Variants in USP47 observed in about 807,000 individuals in gnomAD.
The protein encoded by USP47 is ubiquitin carboxyl-terminal hydrolase 47.
In USP47, 35 loss-of-function variants were observed where a neutral mutation model predicts 165.1. That is an observed-to-expected ratio of 0.21 (90% CI 0.16 to 0.28). The LOEUF (loss-of-function observed/expected upper bound fraction) is 0.28, where lower values mean the gene tolerates loss of function less well. Ranked by LOEUF, USP47 falls within the 10% of genes least tolerant of loss-of-function variation. USP47 has a pLI of 1.00. For missense variants in USP47, 1,277 were observed against 1,607.4 expected (o/e 0.79, Z 3.52); for synonymous variants, 531 against 544.5 (o/e 0.98, Z 0.35).
At chr11:11,916,465 A>C (rs969998677) in intron 8 of USP47, among the ~76,000 whole-genome samples, 3 of 152,180 alleles carry the variant, frequency 2.0e-5, no homozygotes, top group Non-Finnish European at 4.4e-5. Context: ...AAATAGATTT[A>C]AAAAACAAAA....
In USP47 at chr11:11,960,366, G is replaced by A. The variant is rs915513642; in HGVS notation, c.*4191G>A. 3.9e-5 allele frequency among the ~76,000 whole-genome samples: 6 copies of A among 152,122 alleles called. No individual in the cohort carries two copies. Among genetic ancestry groups the A allele is most frequent in the African/African-American group, 1.4e-4 (6 of 41,416 alleles). ...AGACATGAAGGTAGATGCCCTGCAG[G>A]TCCTATCAGCAAAGGACCCAACTCC... On this transcript the variant is annotated 3_prime_UTR_variant, in exon 28 of 28. Coordinates refer to ENST00000527733, the MANE Select transcript of USP47 (RefSeq NM_001282659.2).
intron 1 of USP47, among the ~76,000 whole-genome samples, chr11:11,862,681 C>G (rs1283529078): frequency 6.7e-6 from 1 of 149,606 alleles, no homozygotes; most frequent in East Asian, 1.9e-4. Context: ...GAAGACTTTT[C>G]TCTTCTTTTA....
intron 1 of USP47, among the ~76,000 whole-genome samples, chr11:11,858,413 T>A (rs1849185902): frequency 6.6e-6 from 1 of 152,154 alleles, no homozygotes. Context: ...ATAGAAAAAT[T>A]CATCCTTTTA....
Position 11,949,840 on chromosome 11 carries a change from G to A in USP47, c.3349-49G>A, listed in dbSNP as rs779496923. 6.5e-6 allele frequency: 8 copies of A among 1,240,222 alleles called. No individual in the cohort carries two copies. The East Asian group carries it at 1.5e-4, about 23-fold the overall frequency. 76.8% of individuals were successfully genotyped at this position (1,240,222 alleles called of 1,614,324 possible). Reference sequence around the variant, plus strand: ...TTTATTTTAATGTGTTAATATTAATGTACTTAAGGTATAATTCAAGCTCTG... The same window carrying A: ...TTTATTTTAATGTGTTAATATTAATATACTTAAGGTATAATTCAAGCTCTG... On this transcript the variant is annotated intron_variant, in intron 22 of 27. Transcript: ENST00000527733.
chr11:11,895,221 A>T (rs1307775517), intron 4 of USP47, among the ~76,000 whole-genome samples: 2 of 152,212 alleles, frequency 1.3e-5, no homozygotes, highest in Admixed American at 6.5e-5. Context: ...AAATATTTTT[A>T]GAAGTCTTTG....
intron 1 of USP47, 78 bp downstream of exon 1, chr11:11,842,302 G>A: frequency 6.7e-7 from 1 of 1,489,248 alleles, no homozygotes; most frequent in Non-Finnish European, 9.0e-7. Context: ...GGGTTCGGCT[G>A]CGGGCCCGGC....
intron 1 of USP47, among the ~76,000 whole-genome samples, chr11:11,848,981 G>A (rs901768058): frequency 3.3e-5 from 5 of 151,556 alleles, no homozygotes; most frequent in Non-Finnish European, 7.4e-5. Flanking sequence ...GTAAAAATGA[G>A]GGTTTACCAC....
intron 16 of USP47, among the ~76,000 whole-genome samples, chr11:11,935,955 GT>G (rs1203204643): frequency 4.0e-5 from 6 of 151,820 alleles, no homozygotes; most frequent in Non-Finnish European, 8.8e-5. Flanking sequence ...CTGTTTGGTT[GT>G]TTTCCTCTGT....
chr11:11,875,894 C>G (rs975552817), intron 1 of USP47, among the ~76,000 whole-genome samples: 9 of 152,252 alleles, frequency 5.9e-5, no homozygotes, highest in Non-Finnish European at 1.3e-4. Context: ...TGAGCCACCT[C>G]ACCTGGCCAT....
Position 11,917,835 on chromosome 11 carries a change from C to T in USP47, c.970-2321C>T, listed in dbSNP as rs530059784. Among the ~76,000 whole-genome samples, 17 of 152,230 alleles carry T rather than the reference C, an allele frequency of 1.1e-4. No individual in the cohort carries two copies. In the East Asian group the frequency reaches 1.9e-3, roughly 17 times the overall value. On this transcript the variant is annotated intron_variant, in intron 8 of 27. Coordinates refer to ENST00000527733, the MANE Select transcript of USP47 (RefSeq NM_001282659.2). ...AGTGACTGAGATAGGACCAAGCATA[C>T]CAGTCATATCAAATATGAGTGGGCT...
intron 3 of USP47, among the ~76,000 whole-genome samples, chr11:11,889,369 G>A (rs555646455): frequency 6.6e-6 from 1 of 152,214 alleles, no homozygotes; most frequent in Non-Finnish European, 1.5e-5. Flanking sequence ...AAAGTCTCAG[G>A]ATACAAATTC....
intron 1 of USP47, among the ~76,000 whole-genome samples, chr11:11,851,923 A>AG (rs1848750904): frequency 1.3e-5 from 2 of 152,118 alleles, no homozygotes; most frequent in South Asian, 2.1e-4. Context: ...TTATGTTGGT[A>AG]GGGGGGCATG....
At chr11:11,873,787 T>C (rs767127999) in intron 1 of USP47, 1 of 1,410,984 alleles carries the variant, frequency 7.1e-7, no homozygotes, top group South Asian at 1.5e-5. Flanking sequence ...CATTTTGTTC[T>C]TATATACCAT....
At chr11:11,887,343 G>A (rs900962608) in intron 3 of USP47, among the ~76,000 whole-genome samples, 20 of 152,106 alleles carry the variant, frequency 1.3e-4, no homozygotes, top group Non-Finnish European at 1.0e-4. Context: ...CATCTCATGT[G>A]CAAAGACACA....
intron 3 of USP47, among the ~76,000 whole-genome samples, chr11:11,886,713 G>A (rs1268493157): frequency 6.6e-6 from 1 of 152,078 alleles, no homozygotes; most frequent in Non-Finnish European, 1.5e-5. Flanking sequence ...AGCAAGACAG[G>A]CCAACATTCA....
chr11:11,857,786 A>G (rs983393958), intron 1 of USP47, among the ~76,000 whole-genome samples: 3 of 152,238 alleles, frequency 2.0e-5, no homozygotes, highest in African/African-American at 7.2e-5. Context: ...GAAAGCAACC[A>G]ATCAGACGTT....
chr11:11,890,612 A>G (rs1851450501), intron 3 of USP47, among the ~76,000 whole-genome samples: 1 of 152,182 alleles, frequency 6.6e-6, no homozygotes, highest in African/African-American at 2.4e-5. Context: ...TCATTCCTCA[A>G]AGACTTAGAG....
At chr11:11,888,957 A>G (rs1331784043) in intron 3 of USP47, among the ~76,000 whole-genome samples, 1 of 152,198 alleles carries the variant, frequency 6.6e-6, no homozygotes, top group Non-Finnish European at 1.5e-5. Flanking sequence ...AAAACACATG[A>G]TTATCTCAAA....
intron 1 of USP47, among the ~76,000 whole-genome samples, chr11:11,871,135 G>C (rs1467674006): frequency 2.0e-5 from 3 of 152,080 alleles, no homozygotes. Flanking sequence ...GGTCTAATTT[G>C]GTCCCAGTAC....
Sources: allele counts gnomAD v4.1 joint callset (sites outside exome capture counted in the v4.1 genomes callset), GRCh38; gene constraint gnomAD v4.1.1; transcripts MANE v1.5; gene names NCBI Gene and HGNC (gene_info 2026-07-23, HGNC 2026-07-21).